Variants in CLCC1 observed in about 807,000 individuals in gnomAD.
CLCC1 encodes chloride channel CLIC-like protein 1.
In CLCC1, 39 loss-of-function variants were observed where a neutral mutation model predicts 63.3. That is an observed-to-expected ratio of 0.62 (90% CI 0.48 to 0.81). CLCC1 has a LOEUF of 0.81. Among genes scored for constraint, CLCC1 ranks in the 30% least tolerant of loss-of-function variants. The pLI is 0.00. For missense variants in CLCC1, 549 were observed against 669.4 expected, an observed-to-expected ratio of 0.82 and a Z score of 1.98; for synonymous variants, 217 against 239.8, an observed-to-expected ratio of 0.90 and a Z score of 0.88.
chr1:108,956,897 C>CGGGGAGGCGGGGAGGCG (rs1296486739), intron 2 of CLCC1, among the ~76,000 whole-genome samples: 1 of 26,652 alleles, frequency 3.8e-5, no homozygotes, highest in Non-Finnish European at 7.0e-5. Context: ...GGCGGGGAGG[C>CGGGGAGGCGGGGAGGCG]GGGGAGGCGG....
intron 4 of CLCC1, among the ~76,000 whole-genome samples, chr1:108,949,290 A>G (rs2101680145): frequency 6.6e-6 from 1 of 152,330 alleles, no homozygotes; most frequent in South Asian, 2.1e-4. Flanking sequence ...TGGCTCCCAC[A>G]GCACATAACG....
intron 3 of CLCC1, 125 bp from the exon 4 acceptor site, chr1:108,950,046 T>C: frequency 1.4e-6 from 1 of 690,042 alleles, no homozygotes; most frequent in Non-Finnish European, 2.4e-6. Context: ...TCTTAAATTG[T>C]ACTGAACCAC....
rs764153570 is a variant in CLCC1 at position 108,963,361 on chromosome 1, G to A, written c.-173C>T. The A allele has an allele frequency of 5.7e-6, 4 of 701,874 alleles. No homozygotes were observed. The South Asian group carries it at 5.9e-5, about 10-fold the overall frequency. 43.5% of individuals were successfully genotyped at this position (701,874 alleles called of 1,614,324 possible). On this transcript the variant is annotated splice_region_variant and 5_prime_UTR_variant, in exon 1 of 13. Coordinates refer to ENST00000369969, the MANE Select transcript of CLCC1 (RefSeq NM_001377458.1). ...AACACACCCAACTGCACGGACTCAC[G>A]TCCGGGATCCCCTGCCTGCCTCTCG...
intron 9 of CLCC1, 39 bp downstream of exon 9, chr1:108,940,006 G>A: frequency 6.8e-7 from 1 of 1,476,512 alleles, no homozygotes; most frequent in Non-Finnish European, 9.3e-7. Context: ...AGGGATTTCT[G>A]ACTGACTTTA....
chr1:108,953,935 G>A (rs116026008), intron 2 of CLCC1, among the ~76,000 whole-genome samples: 5,286 of 150,066 alleles, frequency 0.035, 147 homozygotes, highest in Middle Eastern at 0.085. Context: ...ACTCGAACCT[G>A]GGAGGCAGAA....
intron 2 of CLCC1, among the ~76,000 whole-genome samples, chr1:108,951,976 C>A (rs1288254897): frequency 6.6e-6 from 1 of 151,976 alleles, no homozygotes; most frequent in Non-Finnish European, 1.5e-5. Context: ...TAGGGTCTCA[C>A]TATATTGCCC....
At position 108,949,896 on chromosome 1, in the gene CLCC1, T is replaced by C. The variant is rs1654980142; in HGVS notation, c.155A>G (p.Lys52Arg). 4 of 1,594,094 alleles carry C rather than the reference T, an allele frequency of 2.5e-6. No individual in the cohort carries two copies. The highest frequency in any genetic ancestry group is 2.7e-5 in the African/African-American group (2 of 74,210). The change falls in exon 4 of 13, where the codon AAG becomes AGG. Residue 52 changes from lysine to arginine, a missense_variant. Lys to Arg is a conservative substitution (Grantham distance 26). Coordinates refer to ENST00000369969, the MANE Select transcript of CLCC1 (RefSeq NM_001377458.1). ...SQAKYGISGE[K>R]DVSPDLSCAD... Reference sequence around the variant, plus strand: ...ACATGACAAGTCAGGACTGACATCCTTTTCCCCTGAAATACCATATTTTGC... The same window carrying C: ...ACATGACAAGTCAGGACTGACATCCCTTTCCCCTGAAATACCATATTTTGC...
Position 108,931,555 on chromosome 1 carries a change from A to C in CLCC1, c.*992T>G. On this transcript the variant is annotated 3_prime_UTR_variant, in exon 13 of 13. Coordinates refer to ENST00000369969, the MANE Select transcript of CLCC1 (RefSeq NM_001377458.1). ...TCATTCAGGTGATTTGGATGGGCAAATAGAACTATTTCTCTAATGGCCAAT... is the reference window on the plus strand; with the variant it reads ...TCATTCAGGTGATTTGGATGGGCAACTAGAACTATTTCTCTAATGGCCAAT... 4.0e-6 allele frequency: 6 copies of C among 1,493,654 alleles called. No individual in the cohort carries two copies. Among genetic ancestry groups the C allele is most frequent in the Non-Finnish European group, 5.4e-6 (6 of 1,115,088 alleles). The allele number at this position is 1,493,654 out of a possible 1,614,324, so 92.5% of individuals were successfully genotyped here.
chr1:108,942,703 T>C (rs1653997371), intron 7 of CLCC1, among the ~76,000 whole-genome samples: 1 of 152,216 alleles, frequency 6.6e-6, no homozygotes, highest in East Asian at 1.9e-4. Context: ...ACAGATTTTC[T>C]CTAGGTGATA....
chr1:108,960,606 G>A (rs141573607), intron 2 of CLCC1, among the ~76,000 whole-genome samples: 2 of 152,246 alleles, frequency 1.3e-5, no homozygotes, highest in African/African-American at 4.8e-5. Flanking sequence ...AGGCAATGAG[G>A]TTATATACTC....
At position 108,937,209 on chromosome 1, in the gene CLCC1, C is replaced by T; in HGVS notation, c.1251G>A (p.Glu417=). The T allele has an allele frequency of 6.2e-7, 1 of 1,612,504 alleles. No individual in the cohort carries two copies. Among genetic ancestry groups the T allele is most frequent in the Middle Eastern group, 1.7e-4 (1 of 6,048 alleles). The change falls in exon 11 of 13, where the codon GAG becomes GAA. Residue 417 remains glutamate, a synonymous_variant. Coordinates refer to ENST00000369969, the MANE Select transcript of CLCC1 (RefSeq NM_001377458.1). ...TCTCTCTCAAAATCTCTCTTCTACCCTCATACGTTTTGGCATAAGGGCCTT... is the reference window on the plus strand; with the variant it reads ...TCTCTCTCAAAATCTCTCTTCTACCTTCATACGTTTTGGCATAAGGGCCTT... ...TEQGPYAKTY[E]GRREILRERD...
chr1:108,930,546 C>G lies in CLCC1; in HGVS notation c.*2001G>C, dbSNP rs1403907008. 3 of 152,148 alleles carry G rather than the reference C, an allele frequency of 2.0e-5. No homozygotes were observed. Among genetic ancestry groups the G allele is most frequent in the African/African-American group, 4.9e-5 (2 of 40,838 alleles). 9.4% of individuals were successfully genotyped at this position (152,148 alleles called of 1,614,324 possible). On this transcript the variant is annotated 3_prime_UTR_variant, in exon 13 of 13. Coordinates refer to ENST00000369969, the MANE Select transcript of CLCC1 (RefSeq NM_001377458.1). ...GCTGAGGCAGGAGGATCGCTTGAGG[C>G]TAGGAGTTCAAGACCAACCTGGGCA...
intron 2 of CLCC1, among the ~76,000 whole-genome samples, chr1:108,955,376 T>G (rs1261217190): frequency 6.6e-6 from 1 of 151,500 alleles, no homozygotes; most frequent in Non-Finnish European, 1.5e-5. Context: ...CGGTCACAAA[T>G]GCTTTGTTAC....
Position 108,929,963 on chromosome 1 carries a change from C to T in CLCC1, c.*2584G>A. On this transcript the variant is annotated 3_prime_UTR_variant, in exon 13 of 13. Coordinates refer to ENST00000369969, the MANE Select transcript of CLCC1 (RefSeq NM_001377458.1). ...TAGTTACTATGGATTTATTTTTTTT[C>T]CTTTCAAACACGGTAAGGAAACAAT... 1.3e-5 allele frequency: 21 copies of T among 1,602,948 alleles called. No homozygotes were observed. The highest frequency in any genetic ancestry group is 1.8e-5 in the Non-Finnish European group (21 of 1,170,998).
At chr1:108,962,081 G>A (rs1656725841) in intron 2 of CLCC1, among the ~76,000 whole-genome samples, 7 of 152,162 alleles carry the variant, frequency 4.6e-5, no homozygotes, top group Admixed American at 4.6e-4. Context: ...ATGGCTCTCA[G>A]GGGCTTCTCT....
In CLCC1 at chr1:108,930,594, AAAAT is replaced by A. The variant is rs946097672; in HGVS notation, c.*1949_*1952del. On this transcript the variant is annotated 3_prime_UTR_variant, in exon 13 of 13. Transcript: ENST00000369969. ...GCAACATAGACCCCCGTGTCTATGA[AAAAT>A]AAATCAGCAGCCAGGCGCAGTGGCT... 8.6e-5 allele frequency: 13 copies of A among 151,470 alleles called. No individual in the cohort carries two copies. Among genetic ancestry groups the A allele is most frequent in the African/African-American group, 2.7e-4 (11 of 40,950 alleles). 9.4% of individuals were successfully genotyped at this position (151,470 alleles called of 1,614,324 possible).
intron 2 of CLCC1, among the ~76,000 whole-genome samples, chr1:108,959,187 TAAA>T (rs1656313883): frequency 6.6e-6 from 1 of 151,624 alleles, no homozygotes; most frequent in Admixed American, 6.6e-5. Flanking sequence ...AATAAATAAA[TAAA>T]TAAATATATG....
intron 2 of CLCC1, among the ~76,000 whole-genome samples, chr1:108,957,959 A>T (rs546836380): frequency 6.6e-6 from 1 of 151,472 alleles, no homozygotes; most frequent in African/African-American, 2.5e-5. Context: ...GGAACCAGCA[A>T]GAGATAATTC....
Position 108,963,397 on chromosome 1 carries a change from C to T in CLCC1, c.-209G>A, listed in dbSNP as rs1479298097. On this transcript the variant is annotated 5_prime_UTR_variant, in exon 1 of 13. Coordinates refer to ENST00000369969, the MANE Select transcript of CLCC1 (RefSeq NM_001377458.1). ...CCTGCCTGCCTCTCGAGGAAGACAC[C>T]TGCCCAGGCCGGCCGCAGAAGAGGT... 2.8e-6 allele frequency: 2 copies of T among 702,478 alleles called. No homozygotes were observed. 43.5% of individuals were successfully genotyped at this position (702,478 alleles called of 1,614,324 possible). A position where few individuals can be genotyped will look rare whatever the true frequency, so the allele number is the denominator to read the frequency against.
Sources: gnomAD v4.1 joint callset for allele counts (sites outside exome capture counted in the v4.1 genomes callset) on GRCh38, gnomAD v4.1.1 for gene constraint, MANE v1.5 for transcripts, NCBI Gene and HGNC (gene_info 2026-07-23, HGNC 2026-07-21) for gene names.